The following GRXCR1 variants were observed in gnomAD, a reference collection of about 807,000 sequenced individuals.
The protein encoded by GRXCR1 is glutaredoxin and cysteine rich domain containing 1, also known as glutaredoxin domain-containing cysteine-rich protein 1.
GRXCR1 carries 27 observed loss-of-function variants against 27.3 expected under a neutral mutation model. The ratio of observed to expected loss-of-function variants is 0.99; its 90% CI spans 0.73 to 1.37. GRXCR1 has a LOEUF of 1.37. Ranked by LOEUF, GRXCR1 falls within the 40% of genes most tolerant of loss-of-function variation. The probability of loss-of-function intolerance (pLI) is 0.00; values close to 1 mark genes in which losing one functional copy is unlikely to be tolerated. For missense variants in GRXCR1, 379 were observed against 354.4 expected (o/e 1.07, Z -0.56); for synonymous variants, 122 against 131.1 (o/e 0.93, Z 0.47).
intron 1 of GRXCR1, 136 bp from the exon 2 acceptor site, chr4:42,962,756 A>C: frequency 1.1e-6 from 1 of 894,014 alleles, no homozygotes; most frequent in Non-Finnish European, 1.8e-6. Flanking sequence ...TAACTTAAAA[A>C]GGTAAGTCTT....
intron 1 of GRXCR1, among the ~76,000 whole-genome samples, chr4:42,912,587 T>C (rs4861236): frequency 1.1e-4 from 17 of 152,182 alleles, no homozygotes; most frequent in Admixed American, 5.2e-4. Context: ...GTTCTGTTCA[T>C]TAGTCAATAG....
At chr4:43,003,452 G>A (rs1712447776) in intron 2 of GRXCR1, among the ~76,000 whole-genome samples, 1 of 152,190 alleles carries the variant, frequency 6.6e-6, no homozygotes, top group Admixed American at 6.5e-5. Flanking sequence ...AGTTTGAAGG[G>A]CTCAGAAGAC....
chr4:43,001,620 A>G (rs1452280599), intron 2 of GRXCR1, among the ~76,000 whole-genome samples: 4 of 152,006 alleles, frequency 2.6e-5, no homozygotes, highest in African/African-American at 9.7e-5. Context: ...TGTGTGTGAT[A>G]CCTCATTATG....
chr4:42,913,883 G>A (rs1249076013), intron 1 of GRXCR1, among the ~76,000 whole-genome samples: 1 of 152,176 alleles, frequency 6.6e-6, no homozygotes, highest in Non-Finnish European at 1.5e-5. Context: ...AGGGGTCAAT[G>A]TATAGCTCAC....
At chr4:42,983,967 C>G (rs1258387504) in intron 2 of GRXCR1, among the ~76,000 whole-genome samples, 3 of 151,714 alleles carry the variant, frequency 2.0e-5, no homozygotes, top group Non-Finnish European at 4.4e-5. Context: ...TCCCTGGTAG[C>G]TGGGATTACA....
At chr4:42,940,424 A>T (rs1747590321) in intron 1 of GRXCR1, among the ~76,000 whole-genome samples, 1 of 151,996 alleles carries the variant, frequency 6.6e-6, no homozygotes, top group South Asian at 2.1e-4. Context: ...AAACTGACTA[A>T]TTTTCAGTAT....
chr4:42,967,926 G>A (rs1368340462), intron 2 of GRXCR1, among the ~76,000 whole-genome samples: 1 of 152,088 alleles, frequency 6.6e-6, no homozygotes, highest in Non-Finnish European at 1.5e-5. Flanking sequence ...CAGTCTTACT[G>A]TTGGGAACAG....
At chr4:42,956,239 C>T (rs1256430327) in intron 1 of GRXCR1, among the ~76,000 whole-genome samples, 5 of 151,956 alleles carry the variant, frequency 3.3e-5, no homozygotes. Context: ...TCTTTATTAC[C>T]ATCTAGGTCG....
Position 43,004,280 on chromosome 4 carries a change from T to C in GRXCR1, c.628-16074T>C, listed in dbSNP as rs567622425. Among the ~76,000 whole-genome samples the C allele has an allele frequency of 1.8e-4, 28 of 152,218 alleles. 1 individual carries two copies. The highest frequency in any genetic ancestry group is 6.5e-4 in the African/African-American group (27 of 41,536). On this transcript the variant is annotated intron_variant, in intron 2 of 3. Coordinates refer to ENST00000399770, the MANE Select transcript of GRXCR1 (RefSeq NM_001080476.3). ...GCTTCTGCCTAGATTTCAGAGGAAG[T>C]ATGGAAACACCTGGATGTCCAGGCA...
chr4:42,895,691 T>C (rs1746332417), intron 1 of GRXCR1, among the ~76,000 whole-genome samples: 1 of 152,084 alleles, frequency 6.6e-6, no homozygotes, highest in Non-Finnish European at 1.5e-5. Flanking sequence ...TATGTAGAGA[T>C]CTGATTTGGA....
At chr4:43,020,322 G>A (rs868449325) in intron 2 of GRXCR1, 32 bp from the exon 3 acceptor site, 1 of 1,406,234 alleles carries the variant, frequency 7.1e-7, no homozygotes. Flanking sequence ...TAACAAAAAT[G>A]GATTTTTCTC....
At chr4:43,012,036 C>G (rs1307512303) in intron 2 of GRXCR1, among the ~76,000 whole-genome samples, 1 of 152,160 alleles carries the variant, frequency 6.6e-6, no homozygotes, top group Non-Finnish European at 1.5e-5. Flanking sequence ...AATTATATTT[C>G]TCAATTATTC....
chr4:42,965,338 C>T (rs1234270089), intron 2 of GRXCR1, among the ~76,000 whole-genome samples: 1 of 151,920 alleles, frequency 6.6e-6, no homozygotes, highest in African/African-American at 2.4e-5. Flanking sequence ...ACAGATATTC[C>T]CCCTTCTTTT....
At chr4:43,028,129 T>A (rs543727872) in intron 3 of GRXCR1, among the ~76,000 whole-genome samples, 174 of 150,828 alleles carry the variant, frequency 1.2e-3, no homozygotes, top group Non-Finnish European at 1.1e-3. Context: ...AAAAAAGAGA[T>A]GTTGAAATAA....
Position 42,918,344 on chromosome 4 carries a change from C to T in GRXCR1, c.384+24694C>T, listed in dbSNP as rs111465191. 8.9e-4 allele frequency among the ~76,000 whole-genome samples: 136 copies of T among 152,272 alleles called. 3 individuals are homozygous for T. Among genetic ancestry groups the T allele is most frequent in the African/African-American group, 2.9e-3 (121 of 41,566 alleles). ...GAGGCCACTCTTACTAGCACTGTTG[C>T]GTTGGTGATTAAGTTTCCAACACAT... is the stretch of plus-strand genomic sequence containing the variant. On this transcript the variant is annotated intron_variant, in intron 1 of 3. Coordinates refer to ENST00000399770, the MANE Select transcript of GRXCR1 (RefSeq NM_001080476.3).
At chr4:43,022,234 C>T (rs1459546436) in intron 3 of GRXCR1, among the ~76,000 whole-genome samples, 1 of 152,162 alleles carries the variant, frequency 6.6e-6, no homozygotes, top group African/African-American at 2.4e-5. Flanking sequence ...CAATATCATA[C>T]TATTTTAATT....
rs1037522260 is a variant in GRXCR1 at position 43,030,573 on chromosome 4, A to G, written c.*33A>G. ...TTCTACCCAGGAAAAACCTCATTTT[A>G]TTAATCAAAGGCAATACTTTGGTTT... On this transcript the variant is annotated 3_prime_UTR_variant, in exon 4 of 4. Transcript: ENST00000399770. The G allele has an allele frequency of 1.9e-6, 3 of 1,570,256 alleles. No homozygotes were observed. The highest frequency in any genetic ancestry group is 1.8e-6 in the Non-Finnish European group (2 of 1,140,082).
At chr4:43,029,764 G>A (rs73179411) in intron 3 of GRXCR1, among the ~76,000 whole-genome samples, 73 of 152,266 alleles carry the variant, frequency 4.8e-4, no homozygotes, top group African/African-American at 1.7e-3. Context: ...CTCGAATTAA[G>A]TCTTTACTGA....
chr4:42,905,905 C>G (rs1025153069), intron 1 of GRXCR1, among the ~76,000 whole-genome samples: 3 of 152,160 alleles, frequency 2.0e-5, no homozygotes, highest in African/African-American at 4.8e-5. Flanking sequence ...AAACAAGCAA[C>G]AGTGCCTGCC....
Sources: gnomAD v4.1 joint callset for allele counts (sites outside exome capture counted in the v4.1 genomes callset) on GRCh38, gnomAD v4.1.1 for gene constraint, MANE v1.5 for transcripts, NCBI Gene and HGNC (gene_info 2026-07-23, HGNC 2026-07-21) for gene names.